Variants in LONRF1 observed in about 807,000 individuals in gnomAD.
LONRF1 encodes the protein LON peptidase N-terminal domain and RING finger protein 1.
Under a neutral mutation model 85.8 loss-of-function variants are expected in LONRF1, and 37 were observed. The observed-to-expected ratio is 0.43, with a 90% CI of 0.33 to 0.57. The LOEUF is 0.57. Ranked by LOEUF, LONRF1 falls within the 20% of genes least tolerant of loss-of-function variation. The pLI is 0.04. For missense variants in LONRF1, 1,036 were observed against 978.0 expected (o/e 1.06, Z -0.79); for synonymous variants, 517 against 390.1 (o/e 1.33, Z -3.83).
intron 10 of LONRF1, 29 bp from the exon 11 acceptor site, chr8:12,725,908 T>C: frequency 6.3e-7 from 1 of 1,592,028 alleles, no homozygotes; most frequent in South Asian, 1.1e-5. Flanking sequence ...GTAAGACTTC[T>C]GTGTCTAATC....
At chr8:12,732,848 A>G (rs1182725264) in intron 7 of LONRF1, among the ~76,000 whole-genome samples, 2 of 152,208 alleles carry the variant, frequency 1.3e-5, no homozygotes, top group Non-Finnish European at 2.9e-5. Context: ...AATGCCCAAT[A>G]CATATTTATT....
Position 12,729,003 on chromosome 8 carries a change from C to T in LONRF1, c.1908G>A (p.Arg636=), listed in dbSNP as rs1355194842. ...TTCCTCCAACTGTATCAACCACAGA[C>T]CTTCCGTCCGGTAAGAAATGCACGT... The part of the protein sequence containing the change: ...IRNVHFLPDG[R]SVVDTVGGKR... Residue 636 remains arginine, a synonymous_variant, in exon 10 of 12, where the codon AGG becomes AGA. Transcript: ENST00000398246. 2.5e-6 allele frequency: 4 copies of T among 1,614,062 alleles called. No homozygotes were observed. Among genetic ancestry groups the T allele is most frequent in the East Asian group, 4.5e-5 (2 of 44,882 alleles).
intron 9 of LONRF1, 53 bp from the exon 10 acceptor site, chr8:12,729,116 T>C: frequency 6.2e-7 from 1 of 1,612,140 alleles, no homozygotes; most frequent in South Asian, 1.1e-5. Flanking sequence ...ATGCAAGTTC[T>C]CATCCATATT....
chr8:12,754,250 G>A (rs968253451), intron 1 of LONRF1: 2 of 154,892 alleles, frequency 1.3e-5, no homozygotes, highest in African/African-American at 4.8e-5. Flanking sequence ...CCTCGCGGGG[G>A]ATTCTCTCCC....
intron 1 of LONRF1, chr8:12,754,475 GC>G (rs1185757593): frequency 2.4e-6 from 1 of 421,756 alleles, no homozygotes; most frequent in Non-Finnish European, 3.8e-6. Context: ...CCCTCCCCGC[GC>G]CGCGTCACAG....
chr8:12,743,763 G>C (rs932313269), intron 1 of LONRF1, among the ~76,000 whole-genome samples: 1 of 152,078 alleles, frequency 6.6e-6, no homozygotes. Flanking sequence ...AATCTTATGA[G>C]CATACACAGT....
intron 7 of LONRF1, among the ~76,000 whole-genome samples, chr8:12,733,925 TGTTA>T (rs1236679361): frequency 6.6e-6 from 1 of 152,198 alleles, no homozygotes; most frequent in South Asian, 2.1e-4. Context: ...CTAAATAGTA[TGTTA>T]GTTATACTTT....
chr8:12,749,899 C>A (rs1379093243), intron 1 of LONRF1, among the ~76,000 whole-genome samples: 3 of 152,182 alleles, frequency 2.0e-5, no homozygotes, highest in Non-Finnish European at 2.9e-5. Context: ...TCTACAAGGA[C>A]AGGGACTTTA....
At position 12,723,198 on chromosome 8, in the gene LONRF1, G is replaced by A. The variant is rs1442199076; in HGVS notation, c.2220C>T (p.Asp740=). ...ACAAAACCGACAGCTGGTATCGTGGGTCTACAGGGAGAACTGCAAGAAGCC... is the reference window on the plus strand; with the variant it reads ...ACAAAACCGACAGCTGGTATCGTGGATCTACAGGGAGAACTGCAAGAAGCC... ...CWWLLAVLPV[D]PRYQLSVLSM... is the part of the protein sequence containing the mutation. The change falls in exon 12 of 12, where the codon GAC becomes GAT. Residue 740 remains aspartate, a synonymous_variant. Transcript: ENST00000398246. 5 of 1,614,116 alleles carry A rather than the reference G, an allele frequency of 3.1e-6. No homozygotes were observed. The highest frequency in any genetic ancestry group is 4.2e-6 in the Non-Finnish European group (5 of 1,179,994).
chr8:12,750,834 T>C (rs1177877879), intron 1 of LONRF1, among the ~76,000 whole-genome samples: 1 of 152,194 alleles, frequency 6.6e-6, no homozygotes, highest in African/African-American at 2.4e-5. Context: ...GGATGTAAAA[T>C]TGCAAGGTTT....
chr8:12,739,100 A>T (rs1798831263), intron 3 of LONRF1, among the ~76,000 whole-genome samples: 1 of 151,998 alleles, frequency 6.6e-6, no homozygotes, highest in Admixed American at 6.6e-5. Context: ...ACACACATCC[A>T]CCCTAGAACC....
At chr8:12,748,807 A>ATTTTTTTTTTTTT (rs58300554) in intron 1 of LONRF1, among the ~76,000 whole-genome samples, 2 of 146,342 alleles carry the variant, frequency 1.4e-5, no homozygotes, top group Admixed American at 6.8e-5. Flanking sequence ...CAGAATATCA[A>ATTTTTTTTTTTTT]TTTTTTTTTT....
At chr8:12,737,560 A>G (rs1432334514) in intron 4 of LONRF1, among the ~76,000 whole-genome samples, 3 of 152,150 alleles carry the variant, frequency 2.0e-5, no homozygotes, top group African/African-American at 7.2e-5. Flanking sequence ...TTTTATTAAT[A>G]TATCAGGGAC....
intron 8 of LONRF1, among the ~76,000 whole-genome samples, chr8:12,730,427 T>G (rs1798484160): frequency 6.6e-6 from 1 of 152,208 alleles, no homozygotes; most frequent in African/African-American, 2.4e-5. Flanking sequence ...TTTTTCAAAA[T>G]GACCATCAAT....
intron 1 of LONRF1, among the ~76,000 whole-genome samples, chr8:12,745,116 C>T (rs1216179442): frequency 6.6e-6 from 1 of 152,066 alleles, no homozygotes. Context: ...ATTCCTTCCC[C>T]TCTCCACACA....
chr8:12,733,601 C>A (rs1029561418), intron 7 of LONRF1, among the ~76,000 whole-genome samples: 1 of 151,156 alleles, frequency 6.6e-6, no homozygotes, highest in Non-Finnish European at 1.5e-5. Flanking sequence ...TAATATCTGT[C>A]ATAATATCTT....
intron 7 of LONRF1, among the ~76,000 whole-genome samples, chr8:12,732,084 A>G (rs1322043020): frequency 6.6e-6 from 1 of 152,210 alleles, no homozygotes; most frequent in Admixed American, 6.5e-5. Flanking sequence ...CAAGCCCTGT[A>G]CAGAAGAACT....
intron 2 of LONRF1, among the ~76,000 whole-genome samples, 184 bp downstream of exon 2, chr8:12,742,980 C>T (rs941777089): frequency 5.9e-5 from 9 of 152,158 alleles, no homozygotes; most frequent in East Asian, 3.9e-4. Flanking sequence ...TCCAACTCAG[C>T]GTCCCAAATT....
intron 10 of LONRF1, among the ~76,000 whole-genome samples, chr8:12,727,821 C>T (rs556482178): frequency 6.6e-6 from 1 of 152,222 alleles, no homozygotes; most frequent in East Asian, 1.9e-4. Context: ...GACAAAGTAC[C>T]CCCATAGCAT....
Sources: allele counts gnomAD v4.1 joint callset (sites outside exome capture counted in the v4.1 genomes callset), GRCh38; gene constraint gnomAD v4.1.1; transcripts MANE v1.5; gene names NCBI Gene and HGNC (gene_info 2026-07-23, HGNC 2026-07-21).